SDK2: variants seen among roughly 807,000 people sequenced by gnomAD.
SDK2 encodes the protein protein sidekick-2.
A neutral mutation model predicts 253.9 loss-of-function variants in SDK2; 105 were observed. The observed-to-expected ratio is 0.41, with a 90% CI of 0.35 to 0.49. The LOEUF (loss-of-function observed/expected upper bound fraction) is 0.49, where lower values mean the gene tolerates loss of function less well. SDK2 is among the 20% of genes least tolerant of loss of function. The probability of loss-of-function intolerance (pLI) is 0.06; values close to 1 mark genes in which losing one functional copy is unlikely to be tolerated. For missense variants in SDK2, 2,608 were observed against 3,003.0 expected (o/e 0.87, Z 3.07); for synonymous variants, 1,249 against 1,234.9 (o/e 1.01, Z -0.24).
chr17:73,369,166 C>T (rs761451577), intron 36 of SDK2: 13 of 470,862 alleles, frequency 2.8e-5, no homozygotes, highest in South Asian at 7.7e-5. Context: ...TTTACCATAG[C>T]GCTGGCACAT....
chr17:73,337,047 A>G lies in SDK2; in HGVS notation c.*1540T>C, dbSNP rs1105587. On this transcript the variant is annotated 3_prime_UTR_variant, in exon 45 of 45. Transcript: ENST00000392650. ...GAACACTCCTTGGAGCAGATTGTGTATGTGTATGTGTGTGTGTGTGTGTGT... is the reference window on the plus strand; with the variant it reads ...GAACACTCCTTGGAGCAGATTGTGTGTGTGTATGTGTGTGTGTGTGTGTGT... 10,149 of 143,182 alleles carry G rather than the reference A, an allele frequency of 0.071. 356 individuals are homozygous for G. The highest frequency in any genetic ancestry group is 0.17 in the East Asian group (786 of 4,750). 8.9% of individuals were successfully genotyped at this position (143,182 alleles called of 1,614,324 possible). A position where few individuals can be genotyped will look rare whatever the true frequency, so the allele number is the denominator to read the frequency against.
chr17:73,628,167 C>G (rs2046226172), intron 1 of SDK2, among the ~76,000 whole-genome samples: 2 of 152,268 alleles, frequency 1.3e-5, no homozygotes, highest in Non-Finnish European at 2.9e-5. Flanking sequence ...GCAGGCAGAA[C>G]TAGGCCACAT....
chr17:73,610,974 G>A (rs1358535804), intron 1 of SDK2, among the ~76,000 whole-genome samples: 8 of 152,214 alleles, frequency 5.3e-5, no homozygotes. Flanking sequence ...TGTCAGAAAT[G>A]TTATAGAATG....
At chr17:73,386,975 T>C (rs2062877805) in intron 30 of SDK2, among the ~76,000 whole-genome samples, 1 of 152,226 alleles carries the variant, frequency 6.6e-6, no homozygotes, top group African/African-American at 2.4e-5. Flanking sequence ...TTTTTGTTGT[T>C]GTTGAGACAG....
intron 36 of SDK2, among the ~76,000 whole-genome samples, chr17:73,377,210 TTTTTTTTTTTTC>T (rs2062789506): frequency 7.0e-6 from 1 of 143,334 alleles, no homozygotes; most frequent in East Asian, 2.0e-4. Context: ...GACACATTCC[TTTTTTTTTTTTC>T]TTTTTTTTTT....
chr17:73,489,755 T>A (rs901085021), intron 2 of SDK2, among the ~76,000 whole-genome samples: 1 of 152,212 alleles, frequency 6.6e-6, no homozygotes, highest in East Asian at 1.9e-4. Context: ...GCTGCAAGGC[T>A]TCAGGTGTGG....
chr17:73,370,711 AC>A (rs1420789329), intron 36 of SDK2, among the ~76,000 whole-genome samples: 1 of 152,008 alleles, frequency 6.6e-6, no homozygotes, highest in Non-Finnish European at 1.5e-5. Context: ...GAGTGCTACC[AC>A]ACCTGGCTAT....
chr17:73,359,983 A>ACCCT (rs1459490930), intron 39 of SDK2, among the ~76,000 whole-genome samples: 1 of 151,898 alleles, frequency 6.6e-6, no homozygotes. Context: ...CCTTCTCTGA[A>ACCCT]CCCTCTGCCC....
chr17:73,424,155 C>A, intron 12 of SDK2, 63 bp from the exon 13 acceptor site: 6 of 1,404,888 alleles, frequency 4.3e-6, no homozygotes, highest in South Asian at 1.3e-5. Flanking sequence ...GTGGGCCTAG[C>A]CTGAAGCTTG....
At chr17:73,462,732 T>G (rs1051978926) in intron 3 of SDK2, among the ~76,000 whole-genome samples, 7 of 152,106 alleles carry the variant, frequency 4.6e-5, no homozygotes, top group African/African-American at 1.7e-4. Flanking sequence ...TGGAAGCAGG[T>G]AGGGCACAGC....
At chr17:73,385,808 C>T in intron 32 of SDK2, 39 bp downstream of exon 32, 1 of 1,557,760 alleles carries the variant, frequency 6.4e-7, no homozygotes, top group South Asian at 1.2e-5. Context: ...CAGAGCTCGT[C>T]TGGGTCTTCA....
At chr17:73,340,052 A>G (rs1211842694) in intron 44 of SDK2, among the ~76,000 whole-genome samples, 1 of 151,590 alleles carries the variant, frequency 6.6e-6, no homozygotes, top group African/African-American at 2.4e-5. Flanking sequence ...TTGTATTTTT[A>G]GTAGAGATGG....
intron 18 of SDK2, among the ~76,000 whole-genome samples, chr17:73,411,972 A>T (rs557473654): frequency 6.8e-5 from 5 of 73,336 alleles, no homozygotes; most frequent in Non-Finnish European, 1.4e-4. Flanking sequence ...ATATATACGT[A>T]TATATATATC....
At position 73,534,832 on chromosome 17, in the gene SDK2, C is replaced by A; in HGVS notation, c.65-27235G>T. 6.6e-6 allele frequency among the ~76,000 whole-genome samples: 1 copy of A among 152,136 alleles called. No individual in the cohort carries two copies. Among genetic ancestry groups the A allele is most frequent in the East Asian group, 1.9e-4 (1 of 5,184 alleles). On this transcript the variant is annotated intron_variant, in intron 1 of 44. Coordinates refer to ENST00000392650, the MANE Select transcript of SDK2 (RefSeq NM_001144952.2). This position sits in a 1 kb window ranked among gnomAD's most constrained non-coding sequence, Gnocchi z 4.9. ...TCTCAGTAGGCTGGGGGCAGCGGGC[C>A]GGGCTCCCTGGACTCCTTTGCATCT...
chr17:73,366,650 C>A (rs1454619250), intron 37 of SDK2, among the ~76,000 whole-genome samples: 1 of 152,180 alleles, frequency 6.6e-6, no homozygotes, highest in Non-Finnish European at 1.5e-5. Context: ...GCCTCTGCTG[C>A]CCCAGTGACC....
chr17:73,538,218 G>A (rs1172933224), intron 1 of SDK2, among the ~76,000 whole-genome samples: 1 of 152,182 alleles, frequency 6.6e-6, no homozygotes, highest in African/African-American at 2.4e-5. Context: ...TGATTTTATA[G>A]ACAGGGAAAC....
intron 18 of SDK2, among the ~76,000 whole-genome samples, chr17:73,413,548 A>G (rs999919783): frequency 1.3e-5 from 2 of 152,098 alleles, no homozygotes; most frequent in Non-Finnish European, 2.9e-5. Context: ...GCTTTAAGCA[A>G]TCCAGTCTGT....
rs201242790 is a variant in SDK2, at chr17:73,350,808, A to C, written c.5759-18T>G. 1 of 1,596,876 alleles carries C rather than the reference A, an allele frequency of 6.3e-7. No homozygotes were observed. Among genetic ancestry groups the C allele is most frequent in the East Asian group, 2.2e-5 (1 of 44,746 alleles). ...TTTCTGGGCTGGAGCACAGATAGTC[A>C]GGTATATAGGGTGCTCAGCCCCCTC... On this transcript the variant is annotated intron_variant, in intron 41 of 44. Coordinates refer to ENST00000392650, the MANE Select transcript of SDK2 (RefSeq NM_001144952.2).
In SDK2 at chr17:73,537,550, G is replaced by A. The variant is rs1480500390; in HGVS notation, c.65-29953C>T. ...GGCAGAGGGTGGAAGGGATGGAGAA[G>A]TGGGTTCTGCAGCCTGGAGGGTGGG... On this transcript the variant is annotated intron_variant, in intron 1 of 44. Coordinates refer to ENST00000392650, the MANE Select transcript of SDK2 (RefSeq NM_001144952.2). Among the ~76,000 whole-genome samples the A allele has an allele frequency of 2.6e-5, 4 of 152,106 alleles. No individual in the cohort carries two copies. The East Asian group carries it at 5.8e-4, about 22-fold the overall frequency.
Sources: allele counts gnomAD v4.1 joint callset (sites outside exome capture counted in the v4.1 genomes callset), GRCh38; gene constraint gnomAD v4.1.1; non-coding constraint Gnocchi (gnomAD v3.1); transcripts MANE v1.5; gene names NCBI Gene and HGNC (gene_info 2026-07-23, HGNC 2026-07-21).